The following ADK variants were observed in gnomAD, a reference collection of about 807,000 sequenced individuals.
ADK encodes the protein N6,N6-dimethyladenosine kinase.
In ADK, 24 loss-of-function variants were observed where a neutral mutation model predicts 44.7. The ratio of observed to expected loss-of-function variants is 0.54; its 90% CI spans 0.39 to 0.76. The LOEUF (loss-of-function observed/expected upper bound fraction) is 0.76. Ranked by LOEUF, ADK falls within the 30% of genes least tolerant of loss-of-function variation. The pLI, the probability that ADK is intolerant of heterozygous loss-of-function variation, is 0.00. For missense variants in ADK, 321 were observed against 425.1 expected (o/e 0.76, Z 2.15); for synonymous variants, 128 against 142.6 (o/e 0.90, Z 0.73).
chr10:74,186,478 G>T (rs1361960242), intron 1 of ADK, among the ~76,000 whole-genome samples: 1 of 151,268 alleles, frequency 6.6e-6, no homozygotes, highest in East Asian at 2.0e-4. Context: ...AATGCCGGGG[G>T]AGTGGGGTGG....
At chr10:74,315,337 GTA>G (rs1840580585) in intron 4 of ADK, among the ~76,000 whole-genome samples, 1 of 152,014 alleles carries the variant, frequency 6.6e-6, no homozygotes, top group Non-Finnish European at 1.5e-5. Flanking sequence ...TGGTAGATAT[GTA>G]TATGCATCTA....
chr10:74,429,188 T>C (rs1416177644), intron 6 of ADK, among the ~76,000 whole-genome samples: 2 of 152,212 alleles, frequency 1.3e-5, no homozygotes, highest in African/African-American at 2.4e-5. Context: ...AGTAGACTAA[T>C]AGTGGAGAGT....
intron 2 of ADK, among the ~76,000 whole-genome samples, chr10:74,211,287 G>C (rs1843803890): frequency 6.6e-6 from 1 of 151,970 alleles, no homozygotes. Context: ...TATTCTGTCT[G>C]GGATTTTGTT....
intron 9 of ADK, among the ~76,000 whole-genome samples, chr10:74,669,659 G>C (rs912885310): frequency 6.6e-6 from 1 of 152,104 alleles, no homozygotes; most frequent in Non-Finnish European, 1.5e-5. Flanking sequence ...CTTGACATTG[G>C]GAAGAAGTAT....
intron 6 of ADK, among the ~76,000 whole-genome samples, chr10:74,464,433 C>A (rs1846279267): frequency 6.6e-6 from 1 of 151,806 alleles, no homozygotes; most frequent in Non-Finnish European, 1.5e-5. Context: ...CATCTTTGGT[C>A]CCAGCTACTT....
chr10:74,350,119 C>T (rs1271343010), intron 4 of ADK, among the ~76,000 whole-genome samples: 1 of 152,174 alleles, frequency 6.6e-6, no homozygotes, highest in Non-Finnish European at 1.5e-5. Flanking sequence ...ATACATTCTT[C>T]TCAGCAGCAC....
At chr10:74,468,473 A>C (rs1846437317) in intron 6 of ADK, among the ~76,000 whole-genome samples, 1 of 152,228 alleles carries the variant, frequency 6.6e-6, no homozygotes, top group Admixed American at 6.5e-5. Context: ...TAGAATCAGT[A>C]AAATTTATTA....
chr10:74,465,674 T>C (rs559093304), intron 6 of ADK, among the ~76,000 whole-genome samples: 1 of 152,216 alleles, frequency 6.6e-6, no homozygotes, highest in South Asian at 2.1e-4. Context: ...AGTGTGTAGG[T>C]AGATTTAATA....
At chr10:74,230,290 T>C (rs1844709357) in intron 3 of ADK, among the ~76,000 whole-genome samples, 1 of 152,018 alleles carries the variant, frequency 6.6e-6, no homozygotes, top group African/African-American at 2.4e-5. Context: ...GTATTTTGAT[T>C]CTAGAAATGA....
intron 4 of ADK, among the ~76,000 whole-genome samples, chr10:74,338,879 C>A (rs1841495973): frequency 1.3e-5 from 2 of 152,078 alleles, no homozygotes; most frequent in Non-Finnish European, 2.9e-5. Context: ...ATCTTTACAG[C>A]TGATAAGATT....
chr10:74,707,033 T>C (rs1201402613), intron 10 of ADK, among the ~76,000 whole-genome samples: 1 of 152,134 alleles, frequency 6.6e-6, no homozygotes, highest in African/African-American at 2.4e-5. Context: ...ATTCTTAACT[T>C]TTTAATCAAT....
At chr10:74,357,382 G>A (rs1207343140) in intron 4 of ADK, among the ~76,000 whole-genome samples, 1 of 151,660 alleles carries the variant, frequency 6.6e-6, no homozygotes, top group Non-Finnish European at 1.5e-5. Flanking sequence ...GCTCATTTCA[G>A]CCTTCGAACT....
At chr10:74,602,530 A>G (rs1473869530) in intron 9 of ADK, among the ~76,000 whole-genome samples, 2 of 152,154 alleles carry the variant, frequency 1.3e-5, no homozygotes, top group Admixed American at 6.5e-5. Context: ...TAACCTCCCC[A>G]TTCTGTGACT....
At chr10:74,255,755 CA>C (rs1481722795) in intron 3 of ADK, among the ~76,000 whole-genome samples, 1 of 152,190 alleles carries the variant, frequency 6.6e-6, no homozygotes, top group Non-Finnish European at 1.5e-5. Flanking sequence ...ATTTGTTAAG[CA>C]AACTTACTTT....
At chr10:74,442,416 T>TG (rs1483763294) in intron 6 of ADK, among the ~76,000 whole-genome samples, 3 of 152,138 alleles carry the variant, frequency 2.0e-5, no homozygotes, top group Non-Finnish European at 4.4e-5. Context: ...AAGGCCGAAG[T>TG]GGGCGGATCA....
chr10:74,384,938 C>G (rs1391337434), intron 4 of ADK, among the ~76,000 whole-genome samples: 1 of 152,130 alleles, frequency 6.6e-6, no homozygotes, highest in East Asian at 1.9e-4. Flanking sequence ...TTAGGAAGAG[C>G]ACTCAAAATG....
At chr10:74,653,970 C>A (rs182671994) in intron 9 of ADK, among the ~76,000 whole-genome samples, 40 of 152,312 alleles carry the variant, frequency 2.6e-4, no homozygotes, top group African/African-American at 9.6e-4. Flanking sequence ...GAGATGCTTT[C>A]TTGCTCTAAG....
At chr10:74,491,650 G>T (rs1387755032) in intron 6 of ADK, among the ~76,000 whole-genome samples, 1 of 152,118 alleles carries the variant, frequency 6.6e-6, no homozygotes, top group Non-Finnish European at 1.5e-5. Context: ...GCTAAATTTT[G>T]TTATATCTTC....
At chr10:74,189,550 T>G (rs901506290) in intron 1 of ADK, among the ~76,000 whole-genome samples, 3 of 152,350 alleles carry the variant, frequency 2.0e-5, no homozygotes, top group African/African-American at 7.2e-5. Flanking sequence ...CTATAATTTA[T>G]CAATTAGGTC....
Sources: gnomAD v4.1 joint callset for allele counts (sites outside exome capture counted in the v4.1 genomes callset) on GRCh38, gnomAD v4.1.1 for gene constraint, MANE v1.5 for transcripts, NCBI Gene and HGNC (gene_info 2026-07-23, HGNC 2026-07-21) for gene names.